The following ESRRG variants were observed in gnomAD, a reference collection of about 807,000 sequenced individuals.
ESRRG encodes estrogen related receptor gamma, also known as estrogen-related receptor gamma.
ESRRG carries 13 observed loss-of-function variants against 44.0 expected under a neutral mutation model. The ratio of observed to expected loss-of-function variants is 0.30; its 90% CI spans 0.19 to 0.47. The LOEUF is 0.47. Ranked by LOEUF, ESRRG falls within the 20% of genes least tolerant of loss-of-function variation. The probability of loss-of-function intolerance (pLI) is 1.00; values close to 1 mark genes in which losing one functional copy is unlikely to be tolerated. For missense variants in ESRRG, 395 were observed against 580.6 expected (o/e 0.68, Z 3.29); for synonymous variants, 215 against 214.6 (o/e 1.00, Z -0.02).
intron 1 of ESRRG, among the ~76,000 whole-genome samples, chr1:217,119,058 G>A (rs1027476128): frequency 3.1e-4 from 47 of 152,086 alleles, no homozygotes; most frequent in Non-Finnish European, 4.7e-4. Context: ...TAGAGACACA[G>A]ATACAGATAC....
chr1:216,748,178 A>T (rs1374611269), intron 2 of ESRRG, among the ~76,000 whole-genome samples: 3 of 151,984 alleles, frequency 2.0e-5, no homozygotes, highest in African/African-American at 7.2e-5. Flanking sequence ...TTCACTTGTC[A>T]ATGTATAGCC....
In ESRRG at chr1:216,813,806, T is replaced by C. The variant is rs141228814; in HGVS notation, c.-14+125776A>G. Among the ~76,000 whole-genome samples, 343 of 152,342 alleles carry C rather than the reference T, an allele frequency of 2.3e-3. 3 individuals are homozygous for C. Among genetic ancestry groups the C allele is most frequent in the Non-Finnish European group, 3.5e-3 (237 of 68,030 alleles). ...GATTTGTACTACAAAGTCCTGCTTA[T>C]GTCGGGGGGACATCACTCAGAAAAC... On this transcript the variant is annotated intron_variant, in intron 2 of 7. Coordinates refer to the ESRRG transcript ENST00000359162.
intron 1 of ESRRG, among the ~76,000 whole-genome samples, chr1:217,048,351 A>G (rs925466519): frequency 6.6e-6 from 1 of 152,114 alleles, no homozygotes; most frequent in African/African-American, 2.4e-5. Context: ...CCATGATGCA[A>G]TAGTGTCAGA....
At chr1:216,904,559 G>A (rs543182318) in intron 2 of ESRRG, among the ~76,000 whole-genome samples, 1 of 152,212 alleles carries the variant, frequency 6.6e-6, no homozygotes, top group Non-Finnish European at 1.5e-5. Context: ...GGGAACTGCT[G>A]AGCTTAACAA....
rs557088459 is a variant in ESRRG, at chr1:216,797,553, GA to G, written c.-13-120063del. On this transcript the variant is annotated intron_variant, in intron 2 of 7. Coordinates refer to the ESRRG transcript ENST00000359162. ...GAAAACACAGGTTACGTAAAGGGGGGAAAAAAATCCCATTACCATAGGATTT... is the reference window on the plus strand; with the variant it reads ...GAAAACACAGGTTACGTAAAGGGGGGAAAAAATCCCATTACCATAGGATTT... Among the ~76,000 whole-genome samples the G allele has an allele frequency of 2.3e-3, 356 of 152,124 alleles. 3 individuals carry two copies. Among genetic ancestry groups the G allele is most frequent in the African/African-American group, 6.9e-3 (285 of 41,516 alleles).
At chr1:216,589,211 T>C (rs896523247) in intron 3 of ESRRG, among the ~76,000 whole-genome samples, 1 of 152,098 alleles carries the variant, frequency 6.6e-6, no homozygotes, top group Non-Finnish European at 1.5e-5. Flanking sequence ...AACATAGATA[T>C]ATGAAAATAT....
intron 1 of ESRRG, among the ~76,000 whole-genome samples, chr1:217,023,050 T>C (rs112461615): frequency 0.012 from 1,841 of 152,308 alleles, 18 homozygotes; most frequent in Middle Eastern, 0.037. Context: ...AGTTATCTTT[T>C]ATCAAACCAT....
intron 2 of ESRRG, among the ~76,000 whole-genome samples, chr1:216,920,540 C>T (rs1480515935): frequency 6.6e-6 from 1 of 151,958 alleles, no homozygotes; most frequent in East Asian, 1.9e-4. Flanking sequence ...CTTTCAAGTT[C>T]ACCATAAAAG....
At chr1:217,008,071 T>C (rs1449780654) in intron 1 of ESRRG, among the ~76,000 whole-genome samples, 1 of 152,320 alleles carries the variant, frequency 6.6e-6, no homozygotes, top group East Asian at 1.9e-4. Context: ...ACTAGGCAAT[T>C]AAGATAAACC....
chr1:216,506,285 C>T lies in ESRRG; in HGVS notation c.*654G>A. ...AACGTTGGTTCTCTCTCTTTGATTC[C>T]TTAGTCATTGGGGACAGTATGGTTC... On this transcript the variant is annotated 3_prime_UTR_variant, in exon 7 of 7. Coordinates refer to ENST00000408911, the MANE Select transcript of ESRRG (RefSeq NM_001438.4). 5.1e-6 allele frequency: 1 copy of T among 194,714 alleles called. No individual in the cohort carries two copies. The highest frequency in any genetic ancestry group is 1.1e-5 in the Non-Finnish European group (1 of 93,538). The allele number at this position is 194,714 out of a possible 1,614,324, so 12.1% of individuals were successfully genotyped here.
At position 216,506,672 on chromosome 1, in the gene ESRRG, G is replaced by T; in HGVS notation, c.*267C>A. 1.8e-6 allele frequency: 1 copy of T among 551,474 alleles called. No individual in the cohort carries two copies. 34.2% of individuals were successfully genotyped at this position (551,474 alleles called of 1,614,324 possible). A position where few individuals can be genotyped will look rare whatever the true frequency, so the allele number is the denominator to read the frequency against. ...GGAATGAAAGAAGCAAAGAAATAAG[G>T]GAGGTGAAAGAAGAAAAGGAGAAAA... On this transcript the variant is annotated 3_prime_UTR_variant, in exon 7 of 7. Coordinates refer to ENST00000408911, the MANE Select transcript of ESRRG (RefSeq NM_001438.4).
At position 216,743,903 on chromosome 1, in the gene ESRRG, G is replaced by A. The variant is rs917714566; in HGVS notation, c.-13-66412C>T. 3.9e-4 allele frequency among the ~76,000 whole-genome samples: 60 copies of A among 152,162 alleles called. 1 individual carries two copies. The highest frequency in any genetic ancestry group is 1.4e-3 in the African/African-American group (58 of 41,436). ...CTATAACTTCCATAGTAGGTAACTT[G>A]CAGAAATAATTCTAATCCTGCTTAC... On this transcript the variant is annotated intron_variant, in intron 2 of 7. Transcript: ENST00000359162.
At chr1:217,040,097 A>G (rs1462939356) in intron 1 of ESRRG, among the ~76,000 whole-genome samples, 2 of 152,228 alleles carry the variant, frequency 1.3e-5, no homozygotes, top group African/African-American at 2.4e-5. Flanking sequence ...ATTTTAACGC[A>G]GTGATATCTC....
At chr1:217,039,668 G>T (rs11572420) in intron 1 of ESRRG, among the ~76,000 whole-genome samples, 1 of 152,194 alleles carries the variant, frequency 6.6e-6, no homozygotes, top group South Asian at 2.1e-4. Context: ...GGGTGAGTAC[G>T]CAGGGCCAAA....
At chr1:216,604,205 G>T (rs2059632436) in intron 3 of ESRRG, among the ~76,000 whole-genome samples, 1 of 152,162 alleles carries the variant, frequency 6.6e-6, no homozygotes, top group Admixed American at 6.5e-5. Context: ...AAACTGAACA[G>T]GGATTGTAAC....
At chr1:217,046,636 C>G (rs1222089321) in intron 1 of ESRRG, among the ~76,000 whole-genome samples, 1 of 152,102 alleles carries the variant, frequency 6.6e-6, no homozygotes, top group Non-Finnish European at 1.5e-5. Flanking sequence ...GTAATCCCAA[C>G]ACTTCAGGAG....
At chr1:216,899,063 G>T (rs1393953626) in intron 2 of ESRRG, among the ~76,000 whole-genome samples, 1 of 152,180 alleles carries the variant, frequency 6.6e-6, no homozygotes, top group Non-Finnish European at 1.5e-5. Flanking sequence ...CTCAGGAGAA[G>T]TAGTAACAGG....
intron 1 of ESRRG, among the ~76,000 whole-genome samples, chr1:216,719,347 C>T (rs2085647907): frequency 6.6e-6 from 1 of 151,810 alleles, no homozygotes; most frequent in African/African-American, 2.4e-5. Flanking sequence ...CCAGGAAGCA[C>T]AAGTATTTTT....
At position 216,640,614 on chromosome 1, in the gene ESRRG, A is replaced by T. The variant is rs139642663; in HGVS notation, c.589+10359T>A. On this transcript the variant is annotated intron_variant, in intron 3 of 6. Transcript: ENST00000408911. ...TTAGAGATGAACAAAATCGTGCCTC[A>T]TACCTGATATATTAGTAGGTGGAGT... Among the ~76,000 whole-genome samples, 150 of 152,296 alleles carry T rather than the reference A, an allele frequency of 9.8e-4. 1 individual carries two copies. Among genetic ancestry groups the T allele is most frequent in the African/African-American group, 3.4e-3 (143 of 41,574 alleles).
Sources: gnomAD v4.1 joint callset for allele counts (sites outside exome capture counted in the v4.1 genomes callset) on GRCh38, gnomAD v4.1.1 for gene constraint, MANE v1.5 for transcripts, NCBI Gene and HGNC (gene_info 2026-07-23, HGNC 2026-07-21) for gene names.